RXRG: variants seen among roughly 807,000 people sequenced by gnomAD.
RXRG encodes retinoic acid receptor RXR-gamma.
In RXRG, 19 loss-of-function variants were observed where a neutral mutation model predicts 49.2. That is an observed-to-expected ratio of 0.39 (90% CI 0.27 to 0.57). The LOEUF (loss-of-function observed/expected upper bound fraction) is 0.57. Among genes scored for constraint, RXRG ranks in the 20% least tolerant of loss-of-function variants. The probability of loss-of-function intolerance (pLI) is 0.64; values close to 1 mark genes in which losing one functional copy is unlikely to be tolerated. For missense variants in RXRG, 452 were observed against 592.5 expected (o/e 0.76, Z 2.46); for synonymous variants, 224 against 216.6 (o/e 1.03, Z -0.30).
In RXRG at chr1:165,418,110, C is replaced by CAAAA. The variant is rs57782668; in HGVS notation, c.443-894_443-891dup. ...TGAGTGACAGAGCGAGATCCCGTCT[C>CAAAA]AAAAAAAAAAAAAAAAAAAAAAAAA... is the stretch of plus-strand genomic sequence containing the variant. On this transcript the variant is annotated intron_variant, in intron 3 of 9. Coordinates refer to ENST00000359842, the MANE Select transcript of RXRG (RefSeq NM_006917.5). 6.5e-4 allele frequency among the ~76,000 whole-genome samples: 48 copies of CAAAA among 73,860 alleles called. 2 individuals are homozygous for CAAAA. The highest frequency in any genetic ancestry group is 1.9e-3 in the African/African-American group (35 of 18,464). 48.5% of individuals were successfully genotyped at this position (73,860 alleles called of 152,430 possible). A position where few individuals can be genotyped will look rare whatever the true frequency, so the allele number is the denominator to read the frequency against.
Position 165,406,686 on chromosome 1 carries a change from G to A in RXRG, c.1244+126C>T, listed in dbSNP as rs1188026055. The stretch of plus-strand genomic sequence containing the variant: ...GGAATTAACATTTTTGTGGCTTTCA[G>A]CTTGTTATGAAGATTAAATAACATT... On this transcript the variant is annotated intron_variant, in intron 9 of 9. Coordinates refer to ENST00000359842, the MANE Select transcript of RXRG (RefSeq NM_006917.5). 6.9e-6 allele frequency: 5 copies of A among 729,636 alleles called. No individual in the cohort carries two copies. The Admixed American group carries it at 1.1e-4, about 17-fold the overall frequency. The allele number at this position is 729,636 out of a possible 1,614,324, so 45.2% of individuals were successfully genotyped here.
intron 2 of RXRG, chr1:165,425,000 T>C (rs138179811): frequency 1.8e-4 from 174 of 982,142 alleles, no homozygotes; most frequent in Middle Eastern, 5.2e-4. Context: ...TCCCCAGCAC[T>C]TGGCAAGCTT....
At chr1:165,431,831 C>T (rs1658682214) in intron 1 of RXRG, among the ~76,000 whole-genome samples, 2 of 151,654 alleles carry the variant, frequency 1.3e-5, no homozygotes, top group Non-Finnish European at 2.9e-5. Context: ...TGTCAGCAAA[C>T]TTAAAAAAAA....
At chr1:165,427,445 T>C (rs575333112) in intron 2 of RXRG, among the ~76,000 whole-genome samples, 40 of 130,034 alleles carry the variant, frequency 3.1e-4, no homozygotes, top group Admixed American at 7.7e-4. Context: ...TTTTGTTTTG[T>C]TTTGTTTGAG....
At chr1:165,444,720 T>A in intron 1 of RXRG, 125 bp downstream of exon 1, 1 of 819,788 alleles carries the variant, frequency 1.2e-6, no homozygotes, top group East Asian at 2.5e-5. Context: ...ATATACACAC[T>A]ATATATGCAT....
At chr1:165,413,172 G>A (rs564565480) in intron 4 of RXRG, among the ~76,000 whole-genome samples, 1 of 152,220 alleles carries the variant, frequency 6.6e-6, no homozygotes, top group Admixed American at 6.5e-5. Flanking sequence ...GTCATATATT[G>A]TTATTGGGGG....
chr1:165,413,106 C>G (rs986585682), intron 4 of RXRG, among the ~76,000 whole-genome samples: 7 of 152,060 alleles, frequency 4.6e-5, no homozygotes, highest in Non-Finnish European at 1.0e-4. Context: ...ATGAGCAAAC[C>G]CTTTGCTATT....
rs775616132 is a variant in RXRG at position 165,408,244 on chromosome 1, A to C, written c.1121T>G (p.Ile374Ser). 1 of 1,613,938 alleles carries C rather than the reference A, an allele frequency of 6.2e-7. No individual in the cohort carries two copies. Among genetic ancestry groups the C allele is most frequent in the South Asian group, 1.1e-5 (1 of 91,088 alleles). ...GCGGTTACCTGGGTTAAAGAGTACA[A>C]TGGCTCGCAGGCATCCCAGTTCCGA... is the stretch of plus-strand genomic sequence containing the variant. ...DKSELGCLRAIVLFNPDAKGL... is the reference protein window; with the variant it reads ...DKSELGCLRASVLFNPDAKGL... The change falls in exon 8 of 10, where the codon ATT becomes AGT. Residue 374 changes from isoleucine to serine, a missense_variant. By Grantham distance (142) the Ile-to-Ser change is moderately radical. This residue lies in a region of RXRG where 286 missense variants were observed against 440.9 expected (regional missense o/e 0.65). Transcript: ENST00000359842.
intron 1 of RXRG, among the ~76,000 whole-genome samples, chr1:165,434,214 A>G (rs3767357): frequency 0.12 from 17,911 of 152,014 alleles, 1,141 homozygotes; most frequent in South Asian, 0.22. Flanking sequence ...AATTATTTGC[A>G]TAAGAAAGCA....
At position 165,428,917 on chromosome 1, in the gene RXRG, C is replaced by A. The variant is rs1278232099; in HGVS notation, c.99G>T (p.Leu33Phe). 5.0e-6 allele frequency: 8 copies of A among 1,613,642 alleles called. No homozygotes were observed. Among genetic ancestry groups the A allele is most frequent in the South Asian group, 1.1e-5 (1 of 90,942 alleles). Residue 33 changes from leucine (L) to phenylalanine (F), a missense_variant, in exon 2 of 10, where the codon TTG becomes TTT. Leu to Phe is a conservative substitution (Grantham distance 22). Coordinates refer to ENST00000359842, the MANE Select transcript of RXRG (RefSeq NM_006917.5). ...GGCTGTCCATTGGCTTCCCTGTGGA[C>A]AAGGCTGCTGATGGGCTCATGGATG... Reference protein sequence around the residue: ...GSTSMSPSAALSTGKPMDSHP... With the variant: ...GSTSMSPSAAFSTGKPMDSHP...
At chr1:165,423,012 T>C (rs1571278545) in intron 2 of RXRG, among the ~76,000 whole-genome samples, 1 of 152,208 alleles carries the variant, frequency 6.6e-6, no homozygotes, top group African/African-American at 2.4e-5. Flanking sequence ...CAGACTTGCT[T>C]TGGGGCACTT....
chr1:165,440,318 C>T lies in RXRG; in HGVS notation c.49+4527G>A, dbSNP rs907330190. On this transcript the variant is annotated intron_variant, in intron 1 of 9. Transcript: ENST00000359842. ...TGTATAATGGGGGTAATAAAACTACCGACCTTAAAGTGGTGTTTTAGTTAT... is the reference window on the plus strand; with the variant it reads ...TGTATAATGGGGGTAATAAAACTACTGACCTTAAAGTGGTGTTTTAGTTAT... Among the ~76,000 whole-genome samples the T allele has an allele frequency of 9.2e-5, 14 of 152,220 alleles. 1 individual carries two copies. The highest frequency in any genetic ancestry group is 5.9e-4 in the Admixed American group (9 of 15,286).
intron 1 of RXRG, among the ~76,000 whole-genome samples, chr1:165,433,902 G>C (rs1192054465): frequency 6.6e-6 from 1 of 152,212 alleles, no homozygotes; most frequent in East Asian, 1.9e-4. Context: ...AATCTGTACA[G>C]TGCATAACTC....
intron 1 of RXRG, chr1:165,437,347 CT>C: frequency 1.7e-6 from 1 of 605,558 alleles, no homozygotes; most frequent in Non-Finnish European, 2.5e-6. Context: ...GCTCTGATGT[CT>C]TCAAAATATT....
At chr1:165,416,725 G>A (rs79595131) in intron 4 of RXRG, among the ~76,000 whole-genome samples, 6 of 152,120 alleles carry the variant, frequency 3.9e-5, no homozygotes, top group Non-Finnish European at 8.8e-5. Flanking sequence ...AAAAGGAGAC[G>A]GTCCAGTTTG....
At chr1:165,432,907 T>A (rs146600037) in intron 1 of RXRG, among the ~76,000 whole-genome samples, 8,035 of 152,284 alleles carry the variant, frequency 0.053, 331 homozygotes, top group Non-Finnish European at 0.074. Flanking sequence ...ATGATTTGAA[T>A]GGGTGTGTCC....
chr1:165,407,895 T>G (rs189028466), intron 8 of RXRG, among the ~76,000 whole-genome samples: 1 of 152,230 alleles, frequency 6.6e-6, no homozygotes, highest in African/African-American at 2.4e-5. Flanking sequence ...ACTCCTTTCT[T>G]TCTTTCTCAT....
In RXRG at chr1:165,419,899, A is replaced by T; in HGVS notation, c.413T>A (p.Ile138Asn). Residue 138 changes from isoleucine (I) to asparagine (N), a missense_variant, in exon 3 of 10, where the codon ATC becomes AAC. By Grantham distance (149) the Ile-to-Asn change is moderately radical (BLOSUM62 -3). Coordinates refer to ENST00000359842, the MANE Select transcript of RXRG (RefSeq NM_006917.5). ...STSPGSLVKHICAICGDRSSG... is the reference protein window; with the variant it reads ...STSPGSLVKHNCAICGDRSSG... Reference sequence around the variant, plus strand: ...GGATCTGTCTCCACAGATGGCACAGATGTGTTTAACCAGAGATCCGGGGCT... The same window carrying T: ...GGATCTGTCTCCACAGATGGCACAGTTGTGTTTAACCAGAGATCCGGGGCT... 6.2e-7 allele frequency: 1 copy of T among 1,613,040 alleles called. No homozygotes were observed. The highest frequency in any genetic ancestry group is 2.2e-5 in the East Asian group (1 of 44,832).
chr1:165,408,044 C>A (rs949771855), intron 8 of RXRG, among the ~76,000 whole-genome samples, 183 bp downstream of exon 8: 1 of 152,178 alleles, frequency 6.6e-6, no homozygotes, highest in Non-Finnish European at 1.5e-5. Context: ...CAGACACGCG[C>A]CTGCCACACT....
Sources: allele counts gnomAD v4.1 joint callset (sites outside exome capture counted in the v4.1 genomes callset), GRCh38; gene constraint gnomAD v4.1.1; regional missense constraint gnomAD v4.1.1; transcripts MANE v1.5; gene names NCBI Gene and HGNC (gene_info 2026-07-23, HGNC 2026-07-21).